Variants in RBL1 observed in about 807,000 individuals in gnomAD.
RBL1 encodes retinoblastoma-like protein 1.
RBL1 carries 82 observed loss-of-function variants against 123.0 expected under a neutral mutation model. That is an observed-to-expected ratio of 0.67 (90% CI 0.56 to 0.80). The LOEUF (loss-of-function observed/expected upper bound fraction) is 0.80, where lower values mean the gene tolerates loss of function less well. Ranked by LOEUF, RBL1 falls within the 30% of genes least tolerant of loss-of-function variation. The pLI, the probability that RBL1 is intolerant of heterozygous loss-of-function variation, is 0.00. For missense variants in RBL1, 1,171 were observed against 1,299.6 expected (o/e 0.90, Z 1.52); for synonymous variants, 405 against 441.3 (o/e 0.92, Z 1.03).
intron 11 of RBL1, among the ~76,000 whole-genome samples, chr20:37,052,348 T>A (rs900724684): frequency 7.9e-5 from 12 of 151,882 alleles, no homozygotes; most frequent in Non-Finnish European, 1.3e-4. Context: ...TTTATTTATT[T>A]TGAGATGCAG....
At chr20:37,009,814 G>A (rs1333779568) in intron 19 of RBL1, among the ~76,000 whole-genome samples, 2 of 151,970 alleles carry the variant, frequency 1.3e-5, no homozygotes, top group East Asian at 3.9e-4. Context: ...TAAAATTGTG[G>A]GAGGCTGGGT....
At chr20:37,064,139 CTTT>C (rs1037547663) in intron 7 of RBL1, among the ~76,000 whole-genome samples, 8 of 131,814 alleles carry the variant, frequency 6.1e-5, no homozygotes, top group Non-Finnish European at 9.7e-5. Flanking sequence ...TCTTTTCTTT[CTTT>C]TTTTTTTTTT....
In RBL1 at chr20:37,022,776, A is replaced by T. The variant is rs2064363445; in HGVS notation, c.2433T>A (p.Asp811Glu). The change falls in exon 17 of 22, where the codon GAT becomes GAA. Residue 811 changes from aspartate (D) to glutamate (E), a missense_variant. Coordinates refer to ENST00000373664, the MANE Select transcript of RBL1 (RefSeq NM_002895.5). Reference sequence around the variant, plus strand: ...TCTTCCTTCGTAACTCATTTGAAACATCCAGTTTTAGACATAGATCACGTA... The same window carrying T: ...TCTTCCTTCGTAACTCATTTGAAACTTCCAGTTTTAGACATAGATCACGTA... ...VRLRDLCLKL[D>E]VSNELRRKIW... 6.2e-7 allele frequency: 1 copy of T among 1,613,632 alleles called. No individual in the cohort carries two copies. The highest frequency in any genetic ancestry group is 1.7e-5 in the Admixed American group (1 of 59,994).
rs202040757 is a variant in RBL1 at position 36,999,438 on chromosome 20, CCT to C, written c.3037-511_3037-510del. On this transcript the variant is annotated intron_variant, in intron 21 of 21. Coordinates refer to ENST00000373664, the MANE Select transcript of RBL1 (RefSeq NM_002895.5). Reference sequence around the variant, plus strand: ...ATAAGCTTCCCGTCTCCCTCCTCTCCCTCTCCCTCCTCTCCCTCCCTCCTCTC... The same window carrying C: ...ATAAGCTTCCCGTCTCCCTCCTCTCCCTCCCTCCTCTCCCTCCCTCCTCTC... Among the ~76,000 whole-genome samples the C allele has an allele frequency of 8.5e-3, 1,204 of 141,430 alleles. 19 individuals are homozygous for C. The highest frequency in any genetic ancestry group is 0.033 in the African/African-American group (1,146 of 35,006). The allele number at this position is 141,430 out of a possible 152,430, so 92.8% of individuals were successfully genotyped here.
At chr20:37,030,555 C>A (rs1395770761) in intron 16 of RBL1, among the ~76,000 whole-genome samples, 4 of 150,536 alleles carry the variant, frequency 2.7e-5, no homozygotes, top group Non-Finnish European at 5.9e-5. Context: ...CCCGTCTCTA[C>A]AAAAAAGTTC....
At chr20:37,020,385 A>G (rs1229398717) in intron 18 of RBL1, among the ~76,000 whole-genome samples, 1 of 152,114 alleles carries the variant, frequency 6.6e-6, no homozygotes, top group Non-Finnish European at 1.5e-5. Flanking sequence ...CACCGCACCC[A>G]GCCATTATAC....
intron 11 of RBL1, among the ~76,000 whole-genome samples, chr20:37,052,805 C>G (rs1181311642): frequency 2.0e-5 from 3 of 151,980 alleles, no homozygotes; most frequent in Non-Finnish European, 2.9e-5. Flanking sequence ...CTACCATGCC[C>G]AGCCTTTTAT....
At chr20:37,022,614 A>G in intron 17 of RBL1, 36 bp downstream of exon 17, 1 of 1,566,288 alleles carries the variant, frequency 6.4e-7, no homozygotes, top group Admixed American at 1.8e-5. Context: ...CGTGTGAGCC[A>G]CCATGCCCAG....
At chr20:37,020,534 G>A in intron 18 of RBL1, 125 bp downstream of exon 18, 1 of 694,992 alleles carries the variant, frequency 1.4e-6, no homozygotes, top group Non-Finnish European at 2.4e-6. Flanking sequence ...TGAGTTTAAT[G>A]TTATCCATTA....
intron 19 of RBL1, 44 bp from the exon 20 acceptor site, chr20:37,007,603 AT>A (rs759915164): frequency 2.5e-6 from 4 of 1,592,446 alleles, no homozygotes; most frequent in Non-Finnish European, 2.6e-6. Flanking sequence ...CATACTTTTT[AT>A]TTTTTTGAGA....
chr20:37,004,516 C>T (rs1306717295), intron 20 of RBL1, among the ~76,000 whole-genome samples: 1 of 150,246 alleles, frequency 6.7e-6, no homozygotes, highest in Non-Finnish European at 1.5e-5. Flanking sequence ...AGTTTGAGAC[C>T]AGCCTGGCCA....
chr20:37,022,629 T>G, intron 17 of RBL1, 21 bp downstream of exon 17: 2 of 1,583,894 alleles, frequency 1.3e-6, no homozygotes, highest in Non-Finnish European at 1.7e-6. Flanking sequence ...GCCCAGCCTC[T>G]TCTCCCAATT....
rs1254111447 is a variant in RBL1 at position 37,095,758 on chromosome 20, C to T, written c.156+15G>A. The T allele has an allele frequency of 1.9e-6, 3 of 1,573,942 alleles. No individual in the cohort carries two copies. Among genetic ancestry groups the T allele is most frequent in the South Asian group, 2.3e-5 (2 of 87,428 alleles). ...GCGAGGGTAGGGTCCGGCCGCCCCA[C>T]CTGCTGCCGCTCACCTCTAGGCTGT... On this transcript the variant is annotated intron_variant, in intron 1 of 21. Transcript: ENST00000373664.
chr20:37,060,089 T>C (rs978639500), intron 9 of RBL1, among the ~76,000 whole-genome samples: 2 of 151,972 alleles, frequency 1.3e-5, no homozygotes, highest in African/African-American at 2.4e-5. Flanking sequence ...GGAGAATCAC[T>C]TGGACCTGGG....
At position 37,020,522 on chromosome 20, in the gene RBL1, CTT is replaced by C. The variant is rs1353770331; in HGVS notation, c.2631+135_2631+136del. 7.3e-5 allele frequency: 48 copies of C among 655,504 alleles called. No individual in the cohort carries two copies. In the East Asian group the frequency reaches 1.2e-3, roughly 17 times the overall value. The allele number at this position is 655,504 out of a possible 1,614,324, so 40.6% of individuals were successfully genotyped here. A position where few individuals can be genotyped will look rare whatever the true frequency, so the allele number is the denominator to read the frequency against. On this transcript the variant is annotated intron_variant, in intron 18 of 21. Transcript: ENST00000373664. ...AAACTGTCCTTCAATGAAATTATCT[CTT>C]GAGTTTAATGTTATCCATTAAAACA...
At position 36,999,726 on chromosome 20, in the gene RBL1, G is replaced by T. The variant is rs28623597; in HGVS notation, c.3037-797C>A. ...CCGGGCCGGTCTCCAGCTCCTAACC[G>T]CGAGTGATCCGCCAGCCTCGGCCTC... On this transcript the variant is annotated intron_variant, in intron 21 of 21. Transcript: ENST00000373664. 2.0e-5 allele frequency among the ~76,000 whole-genome samples: 3 copies of T among 152,220 alleles called. No homozygotes were observed. In the South Asian group the frequency reaches 6.2e-4, roughly 31 times the overall value.
intron 1 of RBL1, among the ~76,000 whole-genome samples, chr20:37,090,579 A>G (rs1370675593): frequency 6.6e-6 from 1 of 152,220 alleles, no homozygotes; most frequent in Non-Finnish European, 1.5e-5. Context: ...TTTGTAAGGT[A>G]AACATTTGGG....
intron 2 of RBL1, among the ~76,000 whole-genome samples, chr20:37,069,021 G>A (rs1434143196): frequency 6.6e-6 from 1 of 152,266 alleles, no homozygotes; most frequent in East Asian, 1.9e-4. Context: ...ACTGGTTTTG[G>A]TGGAGACGGG....
At chr20:37,018,520 G>A in intron 18 of RBL1, 151 bp from the exon 19 acceptor site, 1 of 1,118,144 alleles carries the variant, frequency 8.9e-7, no homozygotes, top group Non-Finnish European at 1.2e-6. Context: ...GCTCTAGTAA[G>A]TATAGATTAT....
Sources: gnomAD v4.1 joint callset for allele counts (sites outside exome capture counted in the v4.1 genomes callset) on GRCh38, gnomAD v4.1.1 for gene constraint, MANE v1.5 for transcripts, NCBI Gene and HGNC (gene_info 2026-07-23, HGNC 2026-07-21) for gene names.